The following ARL6 variants were observed in gnomAD, a reference collection of about 807,000 sequenced individuals.
ARL6 encodes ARF like GTPase 6, also known as ADP-ribosylation factor-like protein 6.
A neutral mutation model predicts 27.1 loss-of-function variants in ARL6; 18 were observed. That is an observed-to-expected ratio of 0.66 (90% CI 0.46 to 0.98). ARL6 has a LOEUF of 0.98. ARL6 is among the 50% of genes least tolerant of loss of function. The pLI is 0.00. For missense variants in ARL6, 187 were observed against 214.9 expected (o/e 0.87, Z 0.81); for synonymous variants, 65 against 72.3 (o/e 0.90, Z 0.51).
At position 97,771,609 on chromosome 3, in the gene ARL6, T is replaced by C. The variant is rs186974386; in HGVS notation, c.123+3379T>C. 8.3e-4 allele frequency among the ~76,000 whole-genome samples: 123 copies of C among 148,710 alleles called. 4 individuals carry two copies. The highest frequency in any genetic ancestry group is 8.1e-3 in the Admixed American group (122 of 15,134). ...GATCCAGGTTTAGAGGAAAGGCTTTTAGTTTTTCTCCATTCAGTATATTAG... is the reference window on the plus strand; with the variant it reads ...GATCCAGGTTTAGAGGAAAGGCTTTCAGTTTTTCTCCATTCAGTATATTAG... On this transcript the variant is annotated intron_variant, in intron 2 of 7. Transcript: ENST00000463745.
In ARL6 at chr3:97,784,964, A is replaced by G; in HGVS notation, c.264A>G (p.Gln88=). Residue 88 remains glutamine (Q), a synonymous_variant, in exon 5 of 8, where the codon CAA becomes CAG. Coordinates refer to ENST00000463745, the MANE Select transcript of ARL6 (RefSeq NM_001278293.3). ...TCTTTACATTACACAGAGAAGGCCA[A>G]GCTATTATTTTTGTCATTGATAGTA... is the stretch of plus-strand genomic sequence containing the variant. ...NLWEHYYKEG[Q]AIIFVIDSSD... 3 of 1,611,796 alleles carry G rather than the reference A, an allele frequency of 1.9e-6. No homozygotes were observed. The highest frequency in any genetic ancestry group is 1.1e-5 in the South Asian group (1 of 91,020).
rs988706073 is a variant in ARL6, at chr3:97,798,096, A to G, written c.*47A>G. On this transcript the variant is annotated 3_prime_UTR_variant, in exon 8 of 8. Transcript: ENST00000463745. Reference sequence around the variant, plus strand: ...CAGCAATTTTCAATTCAAGGAATCTATCTAAGACAAATAGAATACATTTTG... The same window carrying G: ...CAGCAATTTTCAATTCAAGGAATCTGTCTAAGACAAATAGAATACATTTTG... 1 of 1,562,780 alleles carries G rather than the reference A, an allele frequency of 6.4e-7. No individual in the cohort carries two copies. Among genetic ancestry groups the G allele is most frequent in the Non-Finnish European group, 8.8e-7 (1 of 1,135,300 alleles).
intron 7 of ARL6, among the ~76,000 whole-genome samples, chr3:97,793,914 T>C (rs1443661495): frequency 1.3e-5 from 2 of 152,166 alleles, no homozygotes; most frequent in South Asian, 4.1e-4. Flanking sequence ...TACTACTTAT[T>C]AATTTACCTC....
At chr3:97,797,803 T>G (rs1428761990) in intron 7 of ARL6, among the ~76,000 whole-genome samples, 2 of 152,090 alleles carry the variant, frequency 1.3e-5, no homozygotes, top group African/African-American at 2.4e-5. Context: ...ACACTTGTAG[T>G]CTCAACTACT....
intron 2 of ARL6, among the ~76,000 whole-genome samples, chr3:97,776,389 C>T (rs888281731): frequency 2.0e-5 from 3 of 151,970 alleles, no homozygotes; most frequent in African/African-American, 7.2e-5. Context: ...TTAATCCATT[C>T]AGCCACTCTG....
At chr3:97,794,215 G>GTA in intron 7 of ARL6, among the ~76,000 whole-genome samples, 1 of 147,316 alleles carries the variant, frequency 6.8e-6, no homozygotes, top group African/African-American at 2.7e-5. Context: ...GTGTGTGTGT[G>GTA]TGTTTTTGAG....
intron 1 of ARL6, among the ~76,000 whole-genome samples, 189 bp downstream of exon 1, chr3:97,765,166 G>C (rs1291038796): frequency 6.6e-6 from 1 of 151,608 alleles, no homozygotes; most frequent in Non-Finnish European, 1.5e-5. Context: ...ACGTATGTTT[G>C]GTTGATGGGT....
intron 2 of ARL6, among the ~76,000 whole-genome samples, chr3:97,772,982 A>C (rs1229653177): frequency 6.6e-6 from 1 of 152,186 alleles, no homozygotes. Flanking sequence ...GTTTTGCAGT[A>C]TCCATAGATT....
At position 97,788,126 on chromosome 3, in the gene ARL6, T is replaced by C. The variant is rs924315465; in HGVS notation, c.479+7T>C. The C allele has an allele frequency of 2.5e-6, 4 of 1,611,882 alleles. No individual in the cohort carries two copies. The highest frequency in any genetic ancestry group is 3.3e-5 in the Admixed American group (2 of 59,908). On this transcript the variant is annotated splice_region_variant and intron_variant, in intron 6 of 7. Coordinates refer to ENST00000463745, the MANE Select transcript of ARL6 (RefSeq NM_001278293.3). ...ATAAACCCTGGCATATTTGGTAAAG[T>C]TTTATATTTACTTTTCACTGTAGCT...
intron 6 of ARL6, among the ~76,000 whole-genome samples, chr3:97,790,971 G>A (rs919815434): frequency 2.0e-5 from 3 of 151,858 alleles, no homozygotes; most frequent in Admixed American, 1.3e-4. Context: ...GACATGTTAC[G>A]AGAAACTGTA....
intron 2 of ARL6, among the ~76,000 whole-genome samples, chr3:97,773,686 G>T (rs2036749044): frequency 6.6e-6 from 1 of 152,032 alleles, no homozygotes; most frequent in South Asian, 2.1e-4. Flanking sequence ...AAAGGAAAAA[G>T]AAAATAAAAT....
At chr3:97,764,610 T>C (rs1391491602), upstream of ARL6, 1 of 152,248 alleles carries the variant, frequency 6.6e-6, no homozygotes, top group Non-Finnish European at 1.5e-5. Flanking sequence ...TTTTCTTCAA[T>C]GTATAGTTCC....
chr3:97,770,337 A>G (rs138336562), intron 2 of ARL6, among the ~76,000 whole-genome samples: 188 of 152,072 alleles, frequency 1.2e-3, no homozygotes, highest in African/African-American at 4.4e-3. Flanking sequence ...TATTCTTTTG[A>G]GAAATGTCTA....
chr3:97,773,363 A>G (rs2036733051), intron 2 of ARL6, among the ~76,000 whole-genome samples: 1 of 152,154 alleles, frequency 6.6e-6, no homozygotes, highest in Non-Finnish European at 1.5e-5. Context: ...TTCCCAGCCC[A>G]CTGACTCAAA....
chr3:97,780,733 A>G lies in ARL6; in HGVS notation c.254+50A>G, dbSNP rs376047177. 49 of 1,380,678 alleles carry G rather than the reference A, an allele frequency of 3.5e-5. 1 individual carries two copies. Among genetic ancestry groups the G allele is most frequent in the Non-Finnish European group, 4.9e-5 (48 of 969,712 alleles). The allele number at this position is 1,380,678 out of a possible 1,614,324, so 85.5% of individuals were successfully genotyped here. A position where few individuals can be genotyped will look rare whatever the true frequency, so the allele number is the denominator to read the frequency against. Reference sequence around the variant, plus strand: ...TAACTAGATGGTTTTTACTAATAATAATGATTAGAAATCCAAAGAATTATA... The same window carrying G: ...TAACTAGATGGTTTTTACTAATAATGATGATTAGAAATCCAAAGAATTATA... On this transcript the variant is annotated intron_variant, in intron 4 of 7. Transcript: ENST00000463745.
At position 97,801,068 on chromosome 3, in the gene ARL6, A is replaced by G. The variant is rs1430097237; in HGVS notation, c.*3019A>G. On this transcript the variant is annotated 3_prime_UTR_variant, in exon 8 of 8. Transcript: ENST00000463745. ...TACTTAAGGCAAATTCATCTTGCTT[A>G]TAACTCTGGTGCATGTGCATTAAAA... 1 of 152,226 alleles carries G rather than the reference A, an allele frequency of 6.6e-6. No homozygotes were observed. Among genetic ancestry groups the G allele is most frequent in the Admixed American group, 6.5e-5 (1 of 15,276 alleles). 9.4% of individuals were successfully genotyped at this position (152,226 alleles called of 1,614,324 possible). A position where few individuals can be genotyped will look rare whatever the true frequency, so the allele number is the denominator to read the frequency against.
intron 7 of ARL6, among the ~76,000 whole-genome samples, chr3:97,792,389 A>G (rs1030845057): frequency 6.6e-6 from 1 of 152,188 alleles, no homozygotes; most frequent in Non-Finnish European, 1.5e-5. Flanking sequence ...AGGCTGAGTC[A>G]GGAGAATCAT....
chr3:97,786,222 G>A (rs1473981951), intron 5 of ARL6, among the ~76,000 whole-genome samples: 1 of 151,926 alleles, frequency 6.6e-6, no homozygotes, highest in Admixed American at 6.6e-5. Flanking sequence ...ACGTGCACTT[G>A]TAATCCCATA....
chr3:97,770,503 G>T (rs570410583), intron 2 of ARL6, among the ~76,000 whole-genome samples: 4 of 152,110 alleles, frequency 2.6e-5, no homozygotes, highest in African/African-American at 9.6e-5. Flanking sequence ...TCTTCACTTT[G>T]TTGATTGTTT....
Sources: gnomAD v4.1 joint callset for allele counts (sites outside exome capture counted in the v4.1 genomes callset) on GRCh38, gnomAD v4.1.1 for gene constraint, MANE v1.5 for transcripts, NCBI Gene and HGNC (gene_info 2026-07-23, HGNC 2026-07-21) for gene names.